Variants in FRAS1 observed in about 807,000 individuals in gnomAD.
FRAS1 encodes the protein extracellular matrix organizing protein FRAS1.
In FRAS1, 290 loss-of-function variants were observed where a neutral mutation model predicts 435.2. That is an observed-to-expected ratio of 0.67 (90% CI 0.61 to 0.73). FRAS1 has a LOEUF of 0.73. Ranked by LOEUF, FRAS1 falls within the 30% of genes least tolerant of loss-of-function variation. The pLI is 0.00. For missense variants in FRAS1, 4,860 were observed against 5,001.5 expected (o/e 0.97, Z 0.85); for synonymous variants, 1,800 against 1,851.0 (o/e 0.97, Z 0.71).
intron 2 of FRAS1, among the ~76,000 whole-genome samples, chr4:78,175,177 T>TG (rs1721714229): frequency 6.6e-6 from 1 of 152,212 alleles, no homozygotes; most frequent in Admixed American, 6.5e-5. Flanking sequence ...TACTTTTTGT[T>TG]GGGGCGGGGA....
intron 2 of FRAS1, among the ~76,000 whole-genome samples, chr4:78,209,587 G>T (rs1033275999): frequency 3.9e-5 from 6 of 152,054 alleles, no homozygotes; most frequent in African/African-American, 7.2e-5. Flanking sequence ...CCACACCTCT[G>T]TCAATAGTCT....
At chr4:78,127,675 C>G (rs1395230986) in intron 2 of FRAS1, among the ~76,000 whole-genome samples, 2 of 151,760 alleles carry the variant, frequency 1.3e-5, no homozygotes, top group Non-Finnish European at 2.9e-5. Flanking sequence ...ACAACAACAA[C>G]AAAATGGAAC....
intron 2 of FRAS1, among the ~76,000 whole-genome samples, chr4:78,205,814 C>T (rs977166845): frequency 2.6e-5 from 4 of 152,096 alleles, no homozygotes; most frequent in Admixed American, 1.3e-4. Context: ...GCTAAGACTA[C>T]ATCACCGCAG....
chr4:78,541,046 G>A lies in FRAS1; in HGVS notation c.11961G>A (p.Thr3987=), dbSNP rs761656269. ...NILSEPEAAY[T]FKGAKVKRLN... ...TGAGTGAGCCTGAGGCGGCTTACAC[G>A]TTCAAAGGTGCTAAAGTCAAAAGAC... The change falls in exon 74 of 74, where the codon ACG becomes ACA. Residue 3987 remains threonine, a synonymous_variant. Transcript: ENST00000512123. 1.6e-5 allele frequency: 24 copies of A among 1,467,034 alleles called. 1 individual carries two copies. The South Asian group carries it at 2.1e-4, about 13-fold the overall frequency. 90.9% of individuals were successfully genotyped at this position (1,467,034 alleles called of 1,614,324 possible).
At chr4:78,422,435 A>G (rs894308677) in intron 34 of FRAS1, among the ~76,000 whole-genome samples, 1 of 152,204 alleles carries the variant, frequency 6.6e-6, no homozygotes, top group Non-Finnish European at 1.5e-5. Context: ...ACATAATCAG[A>G]CTGACCTAGA....
intron 60 of FRAS1, among the ~76,000 whole-genome samples, chr4:78,498,373 G>T (rs561794273): frequency 6.6e-6 from 1 of 152,140 alleles, no homozygotes; most frequent in Non-Finnish European, 1.5e-5. Flanking sequence ...AGGCGTGGTG[G>T]CATGCGCCTG....
chr4:78,505,096 C>A (rs967653708), intron 61 of FRAS1, among the ~76,000 whole-genome samples: 2 of 152,266 alleles, frequency 1.3e-5, no homozygotes, highest in Non-Finnish European at 2.9e-5. Flanking sequence ...AGGAGATCTG[C>A]TGTTAGTATG....
chr4:78,266,568 C>T lies in FRAS1; in HGVS notation c.688-266C>T, dbSNP rs577567632. On this transcript the variant is annotated intron_variant, in intron 7 of 73. Transcript: ENST00000512123. ...GGTCTTTCTACCCATCTCAATGTCT[C>T]GGGTCTCTATGTGCCTGGCACAGAG... Among the ~76,000 whole-genome samples, 43 of 152,314 alleles carry T rather than the reference C, an allele frequency of 2.8e-4. 1 individual carries two copies. In the South Asian group the frequency reaches 6.0e-3, roughly 21 times the overall value.
intron 47 of FRAS1, among the ~76,000 whole-genome samples, chr4:78,457,936 G>T (rs957135951): frequency 6.6e-6 from 1 of 152,174 alleles, no homozygotes; most frequent in Non-Finnish European, 1.5e-5. Context: ...TGGACATTTT[G>T]TCCAGAAGCC....
chr4:78,319,569 A>G (rs139800117), intron 18 of FRAS1: 79 of 319,368 alleles, frequency 2.5e-4, no homozygotes, highest in African/African-American at 1.7e-3. Flanking sequence ...GTTTGACTCT[A>G]AAGCTACGTG....
chr4:78,278,895 A>T (rs1727190246), intron 10 of FRAS1, among the ~76,000 whole-genome samples, 151 bp downstream of exon 10: 1 of 152,210 alleles, frequency 6.6e-6, no homozygotes, highest in African/African-American at 2.4e-5. Context: ...GGGACACAGA[A>T]GGGAATACAA....
chr4:78,063,169 G>A (rs1466969095), intron 1 of FRAS1, among the ~76,000 whole-genome samples: 1 of 152,142 alleles, frequency 6.6e-6, no homozygotes, highest in African/African-American at 2.4e-5. Flanking sequence ...TCCATATTAT[G>A]TGAACTGACG....
intron 2 of FRAS1, among the ~76,000 whole-genome samples, chr4:78,231,716 ATTGT>A (rs557750906): frequency 1.9e-3 from 282 of 152,100 alleles, no homozygotes; most frequent in African/African-American, 6.3e-3. Flanking sequence ...AGATATATTT[ATTGT>A]TTATTATTAG....
chr4:78,465,973 A>G (rs989365919), intron 49 of FRAS1, among the ~76,000 whole-genome samples: 4 of 152,178 alleles, frequency 2.6e-5, no homozygotes, highest in African/African-American at 4.8e-5. Context: ...ACCTGAAGAG[A>G]AGAAATTTAA....
At chr4:78,214,498 A>G (rs1374336257) in intron 2 of FRAS1, among the ~76,000 whole-genome samples, 2 of 152,158 alleles carry the variant, frequency 1.3e-5, no homozygotes, top group African/African-American at 4.8e-5. Context: ...TGCCTTTCCC[A>G]TTTTTAATTT....
At chr4:78,198,631 G>T (rs2110072976) in intron 2 of FRAS1, among the ~76,000 whole-genome samples, 1 of 152,270 alleles carries the variant, frequency 6.6e-6, no homozygotes, top group Non-Finnish European at 1.5e-5. Flanking sequence ...TTCCACTACA[G>T]TTGACCCTTG....
chr4:78,518,054 C>T (rs1721263344), intron 66 of FRAS1, among the ~76,000 whole-genome samples: 1 of 151,984 alleles, frequency 6.6e-6, no homozygotes, highest in Non-Finnish European at 1.5e-5. Flanking sequence ...GAAGTTGAAG[C>T]TGCAGTGAGC....
Position 78,446,601 on chromosome 4 carries a change from A to T in FRAS1, c.5857-126A>T, listed in dbSNP as rs17003230. 4.9e-3 allele frequency: 6,944 copies of T among 1,417,976 alleles called. 291 individuals carry two copies. The African/African-American group carries it at 0.089, about 18-fold the overall frequency. 87.8% of individuals were successfully genotyped at this position (1,417,976 alleles called of 1,614,324 possible). ...TAACTATTTTGCTTGGGAAGTAAAG[A>T]TGGTGCCACATTAAATGCTATTTTG... On this transcript the variant is annotated intron_variant, in intron 42 of 73. Coordinates refer to ENST00000512123, the MANE Select transcript of FRAS1 (RefSeq NM_025074.7).
intron 48 of FRAS1, 116 bp downstream of exon 48, chr4:78,464,261 C>G (rs142490360): frequency 1.2e-5 from 17 of 1,420,772 alleles, no homozygotes; most frequent in African/African-American, 2.9e-5. Flanking sequence ...TGCTCTCAGT[C>G]AAGGGGTAGG....
Sources: gnomAD v4.1 joint callset for allele counts (sites outside exome capture counted in the v4.1 genomes callset) on GRCh38, gnomAD v4.1.1 for gene constraint, MANE v1.5 for transcripts, NCBI Gene and HGNC (gene_info 2026-07-23, HGNC 2026-07-21) for gene names.